Variants in SLCO5A1 observed in about 807,000 individuals in gnomAD.
SLCO5A1 encodes solute carrier organic anion transporter family member 5A1.
A neutral mutation model predicts 65.1 loss-of-function variants in SLCO5A1; 39 were observed. That is an observed-to-expected ratio of 0.60 (90% CI 0.46 to 0.78). The LOEUF is 0.78. Ranked by LOEUF, SLCO5A1 falls within the 30% of genes least tolerant of loss-of-function variation. The pLI is 0.00. For synonymous variants in SLCO5A1, 438 were observed against 415.7 expected (o/e 1.05, Z -0.65); for missense variants, 1,029 against 1,069.4 (o/e 0.96, Z 0.53).
chr8:69,737,505 G>A (rs1205952711), intron 5 of SLCO5A1, among the ~76,000 whole-genome samples: 1 of 152,094 alleles, frequency 6.6e-6, no homozygotes, highest in Non-Finnish European at 1.5e-5. Flanking sequence ...TAAGCACTAA[G>A]TACTATGGGT....
chr8:69,724,627 A>G lies in SLCO5A1; in HGVS notation c.1423+13413T>C, dbSNP rs73283445. 5.7e-3 allele frequency among the ~76,000 whole-genome samples: 872 copies of G among 152,318 alleles called. 8 individuals carry two copies. The highest frequency in any genetic ancestry group is 0.019 in the African/African-American group (804 of 41,560). ...GTCCATTGTGAGACGGTTCAGCAAAAGGACATTACTTCCACTTCTAATAAT... is the reference window on the plus strand; with the variant it reads ...GTCCATTGTGAGACGGTTCAGCAAAGGGACATTACTTCCACTTCTAATAAT... On this transcript the variant is annotated intron_variant, in intron 5 of 9. Transcript: ENST00000260126.
At chr8:69,790,387 A>G (rs569218106) in intron 2 of SLCO5A1, among the ~76,000 whole-genome samples, 26 of 152,216 alleles carry the variant, frequency 1.7e-4, no homozygotes, top group African/African-American at 5.8e-4. Flanking sequence ...AAATGTAATA[A>G]TAATAATAAA....
Position 69,832,145 on chromosome 8 carries a change from C to G in SLCO5A1, c.529G>C (p.Gly177Arg), listed in dbSNP as rs781034329. ...ACGAACACCACCACCACCAGGTTCC[C>G]GATGTCAAAGCAGCTGACCAGCAGC... is the stretch of plus-strand genomic sequence containing the variant. Reference protein sequence around the residue: ...SGLLVSCFDIGNLVVVVFVSY... With the variant: ...SGLLVSCFDIRNLVVVVFVSY... The change falls in exon 2 of 10, where the codon GGG (glycine) becomes CGG (arginine). Residue 177 changes from glycine (G) to arginine (R), a missense_variant. Around this residue, in one of 3 missense-constraint regions of SLCO5A1, gnomAD observed 647 missense variants for 647.5 expected, o/e 1.00. Transcript: ENST00000260126. This position sits in a 1 kb window ranked among gnomAD's most constrained non-coding sequence, Gnocchi z 4.5. 1 of 1,614,138 alleles carries G rather than the reference C, an allele frequency of 6.2e-7. No homozygotes were observed. Among genetic ancestry groups the G allele is most frequent in the South Asian group, 1.1e-5 (1 of 91,078 alleles).
At chr8:69,690,736 G>C (rs1239700937) in intron 6 of SLCO5A1, among the ~76,000 whole-genome samples, 3 of 152,208 alleles carry the variant, frequency 2.0e-5, no homozygotes, top group Admixed American at 2.0e-4. Context: ...GTGGAACTGA[G>C]TGAATCATCC....
At chr8:69,732,015 C>A (rs554782930) in intron 5 of SLCO5A1, among the ~76,000 whole-genome samples, 1 of 152,270 alleles carries the variant, frequency 6.6e-6, no homozygotes, top group East Asian at 1.9e-4. Flanking sequence ...AAAAACTGCT[C>A]ATAAACTTAT....
rs138653972 is a variant in SLCO5A1 at position 69,831,867 on chromosome 8, G to T, written c.807C>A (p.Cys269Ter). The change falls in exon 2 of 10, where the codon TGC (cysteine) becomes TGA (stop). Residue 269 changes from cysteine to a stop codon, truncating the protein, a stop_gained. Coordinates refer to ENST00000260126, the MANE Select transcript of SLCO5A1 (RefSeq NM_030958.3). LOFTEE classifies it high-confidence loss of function. The stretch of plus-strand genomic sequence containing the variant: ...AGCCCATTCCAATGAGAATCTGCGC[G>T]CAAATGAATAAAGCCACGTAGACCC... Reference protein sequence around the residue: ...NHWVYVALFICAQILIGMGST... With the variant: ...NHWVYVALFI The T allele has an allele frequency of 1.9e-6, 3 of 1,613,696 alleles. No homozygotes were observed. Among genetic ancestry groups the T allele is most frequent in the Admixed American group, 1.7e-5 (1 of 59,850 alleles).
intron 2 of SLCO5A1, among the ~76,000 whole-genome samples, chr8:69,783,848 A>G (rs924284067): frequency 3.9e-5 from 6 of 152,324 alleles, no homozygotes; most frequent in African/African-American, 1.4e-4. Flanking sequence ...ATACATTTGT[A>G]CAAGCCCATA....
At chr8:69,782,978 TC>T (rs1818863188) in intron 2 of SLCO5A1, among the ~76,000 whole-genome samples, 2 of 152,184 alleles carry the variant, frequency 1.3e-5, no homozygotes, top group African/African-American at 4.8e-5. Flanking sequence ...AGTTACTTAA[TC>T]CCACTAGATG....
At chr8:69,759,588 G>A (rs1586766430) in intron 3 of SLCO5A1, among the ~76,000 whole-genome samples, 1 of 152,136 alleles carries the variant, frequency 6.6e-6, no homozygotes, top group South Asian at 2.1e-4. Context: ...GCAGACTAGG[G>A]TTTAAACCCA....
At chr8:69,674,468 T>G (rs1051107104) in intron 9 of SLCO5A1, among the ~76,000 whole-genome samples, 2 of 152,220 alleles carry the variant, frequency 1.3e-5, no homozygotes, top group Non-Finnish European at 2.9e-5. Context: ...TTAATTTTAA[T>G]ATTATTAAAG....
intron 3 of SLCO5A1, chr8:69,761,362 G>T (rs1817765049): frequency 1.1e-5 from 2 of 186,722 alleles, no homozygotes; most frequent in East Asian, 1.8e-4. Context: ...TGCATTCTTT[G>T]CTCGCAGCCC....
rs1378587812 is a variant in SLCO5A1 at position 69,832,318 on chromosome 8, C to A, written c.356G>T (p.Cys119Phe). ...GGAATCCGTGAGGACCACGTAGAGG[C>A]ACCTTCTCTCCTGGAGCATGGCCAA... Reference protein sequence around the residue: ...SALAMLQERRCLYVVLTDSRC... With the variant: ...SALAMLQERRFLYVVLTDSRC... Residue 119 changes from cysteine (C) to phenylalanine (F), a missense_variant, in exon 2 of 10, where the codon TGC (cysteine) becomes TTC (phenylalanine). Transcript: ENST00000260126. This position sits in a 1 kb window ranked among gnomAD's most constrained non-coding sequence, Gnocchi z 4.5. The A allele has an allele frequency of 3.7e-6, 6 of 1,614,238 alleles. No homozygotes were observed. Among genetic ancestry groups the A allele is most frequent in the Non-Finnish European group, 5.1e-6 (6 of 1,180,050 alleles).
chr8:69,715,734 A>C (rs1480719812), intron 5 of SLCO5A1, among the ~76,000 whole-genome samples: 3 of 152,210 alleles, frequency 2.0e-5, no homozygotes, highest in African/African-American at 4.8e-5. Flanking sequence ...TGCCGAGTGA[A>C]TAGGGAAGAC....
At chr8:69,749,615 G>A (rs1324744603) in intron 4 of SLCO5A1, among the ~76,000 whole-genome samples, 1 of 149,528 alleles carries the variant, frequency 6.7e-6, no homozygotes, top group Non-Finnish European at 1.5e-5. Context: ...GACAAAGCAA[G>A]ACAGTCTCAA....
intron 2 of SLCO5A1, among the ~76,000 whole-genome samples, chr8:69,764,794 G>A (rs2130867262): frequency 6.6e-6 from 1 of 152,238 alleles, no homozygotes; most frequent in Non-Finnish European, 1.5e-5. Flanking sequence ...AATGTGACAT[G>A]AATCATTCTC....
chr8:69,784,002 G>A (rs1187479037), intron 2 of SLCO5A1, among the ~76,000 whole-genome samples: 2 of 152,054 alleles, frequency 1.3e-5, no homozygotes, highest in Non-Finnish European at 2.9e-5. Flanking sequence ...TGTGAGGCAG[G>A]GAATACACGG....
chr8:69,802,043 G>A (rs1015840161), intron 2 of SLCO5A1, among the ~76,000 whole-genome samples: 8 of 152,106 alleles, frequency 5.3e-5, no homozygotes, highest in Non-Finnish European at 1.0e-4. Flanking sequence ...GCTAGATTGA[G>A]ATTTCCCAAA....
intron 7 of SLCO5A1, among the ~76,000 whole-genome samples, chr8:69,681,213 C>G (rs371841600): frequency 7.2e-5 from 11 of 152,232 alleles, no homozygotes; most frequent in African/African-American, 2.4e-4. Context: ...ATCACCTGCA[C>G]AGAACAAGCA....
chr8:69,767,052 T>C (rs577514414), intron 2 of SLCO5A1, among the ~76,000 whole-genome samples: 22 of 152,378 alleles, frequency 1.4e-4, no homozygotes, highest in African/African-American at 5.3e-4. Context: ...ATAAATTTCA[T>C]GTTTTTTGAC....
Sources: allele counts gnomAD v4.1 joint callset (sites outside exome capture counted in the v4.1 genomes callset), GRCh38; gene constraint gnomAD v4.1.1; regional missense constraint gnomAD v4.1.1; non-coding constraint Gnocchi (gnomAD v3.1); transcripts MANE v1.5; gene names NCBI Gene and HGNC (gene_info 2026-07-23, HGNC 2026-07-21).